The following AP3D1 variants were observed in gnomAD, a reference collection of about 807,000 sequenced individuals.
The protein encoded by AP3D1 is adaptor related protein complex 3 subunit delta 1, also known as AP-3 complex subunit delta-1.
AP3D1 carries 51 observed loss-of-function variants against 147.6 expected under a neutral mutation model. That is an observed-to-expected ratio of 0.35 (90% CI 0.28 to 0.44). AP3D1 has a LOEUF of 0.44. AP3D1 is among the 20% of genes least tolerant of loss of function. The pLI is 1.00. For missense variants in AP3D1, 1,421 were observed against 1,624.2 expected (o/e 0.87, Z 2.15); for synonymous variants, 760 against 663.0 (o/e 1.15, Z -2.25).
At chr19:2,157,540 T>A (rs1036759291) in intron 1 of AP3D1, among the ~76,000 whole-genome samples, 4 of 145,550 alleles carry the variant, frequency 2.7e-5, no homozygotes, top group African/African-American at 1.0e-4. Context: ...CATCCATCCA[T>A]CCATCCATCC....
At chr19:2,124,294 T>C (rs879364864) in intron 9 of AP3D1, among the ~76,000 whole-genome samples, 8 of 152,194 alleles carry the variant, frequency 5.3e-5, no homozygotes, top group Non-Finnish European at 1.0e-4. Context: ...AGCTCACTGC[T>C]GGGGGATGAA....
At chr19:2,137,527 C>A (rs1343306659) in intron 3 of AP3D1, among the ~76,000 whole-genome samples, 200 bp downstream of exon 3, 5 of 152,020 alleles carry the variant, frequency 3.3e-5, no homozygotes, top group Admixed American at 1.3e-4. Flanking sequence ...TGTTGGCCAG[C>A]CTGGTCTCCA....
chr19:2,114,966 C>A, intron 20 of AP3D1, 145 bp from the exon 21 acceptor site: 2 of 942,588 alleles, frequency 2.1e-6, no homozygotes, highest in East Asian at 2.6e-5. Context: ...CTCCGCTCAG[C>A]GTCTAGGCAC....
At chr19:2,114,505 T>C (rs1465395718) in intron 21 of AP3D1, among the ~76,000 whole-genome samples, 1 of 152,160 alleles carries the variant, frequency 6.6e-6, no homozygotes, top group Non-Finnish European at 1.5e-5. Context: ...CCCTGCCCTG[T>C]CAAGGCATGG....
Position 2,160,631 on chromosome 19 carries a change from T to A in AP3D1, c.-103+3725A>T, listed in dbSNP as rs542513798. Among the ~76,000 whole-genome samples the A allele has an allele frequency of 3.3e-5, 5 of 152,198 alleles. No homozygotes were observed. In the South Asian group the frequency reaches 1.0e-3, roughly 32 times the overall value. On this transcript the variant is annotated intron_variant, in intron 1 of 14. Transcript: ENST00000643010. Reference sequence around the variant, plus strand: ...GTAGCCTATGGGAGGGGCACAGGCATTGGTCCATTCATCCCCAAAGTGTGT... The same window carrying A: ...GTAGCCTATGGGAGGGGCACAGGCAATGGTCCATTCATCCCCAAAGTGTGT...
At chr19:2,108,962 C>T (rs1312682606) in intron 30 of AP3D1, 124 bp downstream of exon 30, 4 of 1,485,680 alleles carry the variant, frequency 2.7e-6, no homozygotes, top group Non-Finnish European at 3.6e-6. Flanking sequence ...GGGCCACCAG[C>T]CACCCGGGAT....
intron 8 of AP3D1, among the ~76,000 whole-genome samples, chr19:2,127,609 C>T (rs951237752): frequency 6.6e-5 from 10 of 152,362 alleles, no homozygotes; most frequent in African/African-American, 2.4e-4. Flanking sequence ...ACTGCGACCT[C>T]CGCCTCTCAG....
At chr19:2,109,811 C>A in intron 29 of AP3D1, 62 bp downstream of exon 29, 1 of 1,507,944 alleles carries the variant, frequency 6.6e-7, no homozygotes, top group South Asian at 1.1e-5. Flanking sequence ...GCACAGGTGT[C>A]TGCAAGGTAG....
chr19:2,109,867 C>T lies in AP3D1; in HGVS notation c.3350+6G>A. ...GGGGACATAGGGGAGTGGGCCTGGGCCCCACCTGTAGCAGGGAGTGGTGAT... is the reference window on the plus strand; with the variant it reads ...GGGGACATAGGGGAGTGGGCCTGGGTCCCACCTGTAGCAGGGAGTGGTGAT... On this transcript the variant is annotated splice_donor_region_variant and intron_variant, in intron 29 of 31. Transcript: ENST00000643116. 1.2e-6 allele frequency: 2 copies of T among 1,613,058 alleles called. No homozygotes were observed. Among genetic ancestry groups the T allele is most frequent in the African/African-American group, 1.3e-5 (1 of 74,966 alleles).
intron 3 of AP3D1, among the ~76,000 whole-genome samples, 186 bp downstream of exon 3, chr19:2,137,541 C>T (rs572894118): frequency 6.6e-6 from 1 of 152,224 alleles, no homozygotes; most frequent in East Asian, 1.9e-4. Context: ...GTCTCCAACT[C>T]CCAACCTCAG....
At chr19:2,163,816 G>C (rs1367115197) in intron 1 of AP3D1, among the ~76,000 whole-genome samples, 3 of 150,782 alleles carry the variant, frequency 2.0e-5, no homozygotes, top group Non-Finnish European at 4.4e-5. Flanking sequence ...CCACGGGGCG[G>C]GGCGCCGAGG....
At chr19:2,133,946 A>G (rs533881078) in intron 4 of AP3D1, among the ~76,000 whole-genome samples, 3 of 152,016 alleles carry the variant, frequency 2.0e-5, no homozygotes, top group Non-Finnish European at 2.9e-5. Flanking sequence ...TGTCTCTCCT[A>G]AAATAAAAAA....
At chr19:2,163,772 T>TACGTG (rs1568319392) in intron 1 of AP3D1, among the ~76,000 whole-genome samples, 1 of 150,798 alleles carries the variant, frequency 6.6e-6, no homozygotes. Context: ...GTGCGTACGT[T>TACGTG]CGTGCGTGCG....
At chr19:2,114,626 G>GCCCCC in intron 21 of AP3D1, 122 bp downstream of exon 21, 1 of 451,568 alleles carries the variant, frequency 2.2e-6, no homozygotes, top group Non-Finnish European at 4.3e-6. Flanking sequence ...GGGAAGGCCC[G>GCCCCC]CCCGCACCCC....
At chr19:2,148,780 C>T (rs1283058032) in intron 1 of AP3D1, among the ~76,000 whole-genome samples, 6 of 152,220 alleles carry the variant, frequency 3.9e-5, no homozygotes, top group African/African-American at 7.2e-5. Flanking sequence ...TGCCTTTCCA[C>T]GTGGCTTTCA....
At chr19:2,139,019 C>T (rs2019149846) in intron 1 of AP3D1, among the ~76,000 whole-genome samples, 2 of 138,706 alleles carry the variant, frequency 1.4e-5, no homozygotes, top group South Asian at 4.6e-4. Context: ...AAGATGACAC[C>T]ACTGCATTCC....
At chr19:2,164,419 C>G in exon 1 of AP3D1, 1 of 464,668 alleles carries the variant, frequency 2.2e-6, no homozygotes, top group Non-Finnish European at 3.3e-6. Context: ...CGTTGCTTCC[C>G]GGCCGAGGGC....
At chr19:2,159,705 ATT>A (rs913645590) in intron 1 of AP3D1, among the ~76,000 whole-genome samples, 5 of 80,574 alleles carry the variant, frequency 6.2e-5, no homozygotes, top group Admixed American at 1.3e-4. Context: ...TAATTTTTGT[ATT>A]TTTTTTTTTT....
chr19:2,109,540 AG>A (rs1012151418), intron 29 of AP3D1: 10 of 479,894 alleles, frequency 2.1e-5, no homozygotes, highest in Admixed American at 1.7e-4. Context: ...GTGAGGACTC[AG>A]GGGGGAGGGG....
Sources: gnomAD v4.1 joint callset for allele counts (sites outside exome capture counted in the v4.1 genomes callset) on GRCh38, gnomAD v4.1.1 for gene constraint, MANE v1.5 for transcripts, NCBI Gene and HGNC (gene_info 2026-07-23, HGNC 2026-07-21) for gene names.